JAKMIP1: variants seen among roughly 807,000 people sequenced by gnomAD.
JAKMIP1 encodes janus kinase and microtubule-interacting protein 1.
A neutral mutation model predicts 113.0 loss-of-function variants in JAKMIP1; 33 were observed. The observed-to-expected ratio is 0.29, with a 90% CI of 0.22 to 0.39. The LOEUF (loss-of-function observed/expected upper bound fraction) is 0.39. Among genes scored for constraint, JAKMIP1 ranks in the 10% least tolerant of loss-of-function variants. The pLI is 1.00. For missense variants in JAKMIP1, 813 were observed against 1,080.5 expected, an observed-to-expected ratio of 0.75 and a Z score of 3.47; for synonymous variants, 480 against 459.9, an observed-to-expected ratio of 1.04 and a Z score of -0.56.
At position 6,054,891 on chromosome 4, in the gene JAKMIP1, C is replaced by T. The variant is rs1716149580; in HGVS notation, c.1708-743G>A. 3 of 456,320 alleles carry T rather than the reference C, an allele frequency of 6.6e-6. No individual in the cohort carries two copies. The Admixed American group carries it at 7.0e-5, about 11-fold the overall frequency. The allele number at this position is 456,320 out of a possible 1,614,324, so 28.3% of individuals were successfully genotyped here. Reference sequence around the variant, plus strand: ...AGAGGGGGGCCCTCTGCCAGGTGATCCCACCCCCGGGAGACCTTTAGAAAT... The same window carrying T: ...AGAGGGGGGCCCTCTGCCAGGTGATTCCACCCCCGGGAGACCTTTAGAAAT... On this transcript the variant is annotated intron_variant, in intron 12 of 20. Coordinates refer to ENST00000409021, the MANE Select transcript of JAKMIP1 (RefSeq NM_001099433.2).
At chr4:6,027,259 C>G (rs74663433) in intron 20 of JAKMIP1, among the ~76,000 whole-genome samples, 6,490 of 152,174 alleles carry the variant, frequency 0.043, 376 homozygotes, top group African/African-American at 0.13. Flanking sequence ...TCTTCTCCCC[C>G]CCAAAACAAG....
rs759936324 is a variant in JAKMIP1 at position 6,098,546 on chromosome 4, AAAAGAAAGAAAGAAAG to A, written c.624+6911_624+6926del. On this transcript the variant is annotated intron_variant, in intron 3 of 20. Transcript: ENST00000409021. ...AGAAAGAGAGAGAGAGAGAGAAAGA[AAAAGAAAGAAAGAAAG>A]AAAGAAAGAAAGAAAGAAAGAAGGA... 1.2e-3 allele frequency among the ~76,000 whole-genome samples: 55 copies of A among 46,568 alleles called. 2 individuals are homozygous for A. The highest frequency in any genetic ancestry group is 0.011 in the Middle Eastern group (1 of 90). The allele number at this position is 46,568 out of a possible 152,430, so 30.6% of individuals were successfully genotyped here.
At chr4:6,071,295 A>G (rs1450937141) in intron 8 of JAKMIP1, among the ~76,000 whole-genome samples, 1 of 152,094 alleles carries the variant, frequency 6.6e-6, no homozygotes, top group Non-Finnish European at 1.5e-5. Flanking sequence ...GCCTGGCCCC[A>G]GGCAGTGCAG....
intron 3 of JAKMIP1, among the ~76,000 whole-genome samples, chr4:6,091,853 C>G (rs1458253688): frequency 1.3e-5 from 2 of 152,154 alleles, no homozygotes; most frequent in African/African-American, 4.8e-5. Flanking sequence ...CAGGCTATAG[C>G]TGGATGAGGA....
chr4:6,172,107 C>A (rs149327795), intron 1 of JAKMIP1, among the ~76,000 whole-genome samples: 9 of 152,304 alleles, frequency 5.9e-5, no homozygotes, highest in African/African-American at 2.2e-4. Context: ...TAAGGTAAAT[C>A]CTTCTGAAAC....
intron 8 of JAKMIP1, among the ~76,000 whole-genome samples, chr4:6,066,487 G>A (rs998751981): frequency 2.6e-5 from 4 of 151,824 alleles, no homozygotes; most frequent in Non-Finnish European, 4.4e-5. Context: ...ACTCTCCCCC[G>A]AACTCCAGAC....
In JAKMIP1 at chr4:6,097,082, G is replaced by A. The variant is rs1711913998; in HGVS notation, c.624+8391C>T. Among the ~76,000 whole-genome samples the A allele has an allele frequency of 6.6e-6, 1 of 152,142 alleles. No homozygotes were observed. Among genetic ancestry groups the A allele is most frequent in the Admixed American group, 6.5e-5 (1 of 15,276 alleles). ...AGGGGCATGATCGTAGGTCACAGTA[G>A]CCTCAATCTGCTGGCTTCAAGCAAT... is the stretch of plus-strand genomic sequence containing the variant. On this transcript the variant is annotated intron_variant, in intron 3 of 20. Transcript: ENST00000409021. The surrounding 1 kb of genome is among the most constrained non-coding windows in gnomAD (Gnocchi z 4.3).
rs533492161 is a variant in JAKMIP1 at position 6,146,220 on chromosome 4, G to C, written c.-147-33223C>G. Among the ~76,000 whole-genome samples the C allele has an allele frequency of 5.3e-3, 324 of 61,398 alleles. 3 individuals are homozygous for C. Among genetic ancestry groups the C allele is most frequent in the African/African-American group, 0.01 (305 of 29,206 alleles). 40.3% of individuals were successfully genotyped at this position (61,398 alleles called of 152,430 possible). On this transcript the variant is annotated intron_variant, in intron 1 of 20. Coordinates refer to ENST00000409021, the MANE Select transcript of JAKMIP1 (RefSeq NM_001099433.2). ...AGAGACAGAAAGTCGAATGATAGCT[G>C]CCAGGGGCTGGGGGGAGGTTGCGGG...
At chr4:6,072,987 T>C (rs933605871) in intron 8 of JAKMIP1, among the ~76,000 whole-genome samples, 22 of 151,414 alleles carry the variant, frequency 1.5e-4, no homozygotes, top group African/African-American at 5.3e-4. Context: ...GGCACGAGAA[T>C]TGGTTGAACC....
At position 6,085,463 on chromosome 4, in the gene JAKMIP1, A is replaced by T. The variant is rs763794567; in HGVS notation, c.791T>A (p.Leu264His). 6.8e-6 allele frequency: 11 copies of T among 1,613,920 alleles called. No individual in the cohort carries two copies. In the Admixed American group the frequency reaches 1.7e-4, roughly 24 times the overall value. ...CACCATGTCCCCGATCCCGGGCGGGAGCTCTCTCTTTGGACTACTGTGGTG... is the reference window on the plus strand; with the variant it reads ...CACCATGTCCCCGATCCCGGGCGGGTGCTCTCTCTTTGGACTACTGTGGTG... ...ERHHSSPKRELPPGIGDMVEL... is the reference protein window; with the variant it reads ...ERHHSSPKREHPPGIGDMVEL... The change falls in exon 4 of 21, where the codon CTC (leucine) becomes CAC (histidine). Residue 264 changes from leucine (L) to histidine (H), a missense_variant. Leu to His is a moderately conservative substitution (Grantham distance 99, BLOSUM62 -3). Around this residue, in one of 2 missense-constraint regions of JAKMIP1, gnomAD observed 540 missense variants for 653.9 expected, o/e 0.83. Transcript: ENST00000409021.
rs1481974349 is a variant in JAKMIP1 at position 6,194,129 on chromosome 4, G to A, written c.-148+6124C>T. ...GACAGAGGGCAGATGGATGGATGCC[G>A]GGGCTGGGAGAGGGGAAGTGAGGAA... On this transcript the variant is annotated intron_variant, in intron 1 of 20. Transcript: ENST00000409021. This position sits in a 1 kb window ranked among gnomAD's most constrained non-coding sequence, Gnocchi z 7.4. 6.6e-6 allele frequency among the ~76,000 whole-genome samples: 1 copy of A among 151,958 alleles called. No individual in the cohort carries two copies. Among genetic ancestry groups the A allele is most frequent in the African/African-American group, 2.4e-5 (1 of 41,368 alleles).
Position 6,056,708 on chromosome 4 carries a change from A to G in JAKMIP1, c.1696T>C (p.Leu566=). The G allele has an allele frequency of 6.2e-7, 1 of 1,613,602 alleles. No homozygotes were observed. The highest frequency in any genetic ancestry group is 8.5e-7 in the Non-Finnish European group (1 of 1,179,694). The part of the protein sequence containing the change: ...KQLLIRTNQD[L]LEKIYRLEME... ...GTGGGGTCACGCACCTTTTCCAGCA[A>G]GTCTTGGTTTGTTCTGATGAGCAGC... The change falls in exon 12 of 21, where the codon TTG becomes CTG. Residue 566 remains leucine, a synonymous_variant. Transcript: ENST00000409021.
intron 1 of JAKMIP1, among the ~76,000 whole-genome samples, chr4:6,198,182 T>C (rs1261967748): frequency 6.6e-6 from 1 of 152,194 alleles, no homozygotes; most frequent in African/African-American, 2.4e-5. Flanking sequence ...TATAAAAAGT[T>C]CTGAGAACAC....
rs1164189308 is a variant in JAKMIP1 at position 6,097,292 on chromosome 4, C to A, written c.624+8181G>T. On this transcript the variant is annotated intron_variant, in intron 3 of 20. Coordinates refer to ENST00000409021, the MANE Select transcript of JAKMIP1 (RefSeq NM_001099433.2). The surrounding 1 kb of genome is among the most constrained non-coding windows in gnomAD (Gnocchi z 4.3). Reference sequence around the variant, plus strand: ...GATTACAGTCATGAGCCATCTCGCCCCGTTCTGACTCTGAATTTATATGCT... The same window carrying A: ...GATTACAGTCATGAGCCATCTCGCCACGTTCTGACTCTGAATTTATATGCT... Among the ~76,000 whole-genome samples the A allele has an allele frequency of 6.6e-6, 1 of 152,212 alleles. No individual in the cohort carries two copies. Among genetic ancestry groups the A allele is most frequent in the Non-Finnish European group, 1.5e-5 (1 of 68,044 alleles).
intron 11 of JAKMIP1, 136 bp from the exon 12 acceptor site, chr4:6,056,895 C>G: frequency 1.5e-6 from 1 of 665,744 alleles, no homozygotes; most frequent in Non-Finnish European, 2.7e-6. Flanking sequence ...GTGATGTGCC[C>G]TCATTGTCCC....
At chr4:6,151,343 G>C (rs1367080053) in intron 1 of JAKMIP1, among the ~76,000 whole-genome samples, 1 of 152,156 alleles carries the variant, frequency 6.6e-6, no homozygotes. Context: ...CAATAGCAGG[G>C]CCAAGATGAA....
Position 6,105,797 on chromosome 4 carries a change from C to T in JAKMIP1, c.300G>A (p.Ala100=), listed in dbSNP as rs542375376. The T allele has an allele frequency of 1.2e-4, 194 of 1,608,552 alleles. 2 individuals carry two copies. In the South Asian group the frequency reaches 1.8e-3, roughly 15 times the overall value. ...GLIRQHEQEA[A]RTAKIKEGEL... ...CGCCCTCCTTGATCTTGGCGGTGCG[C>T]GCCGCCTCCTGCTCGTGCTGCCGGA... The change falls in exon 3 of 21, where the codon GCG becomes GCA. Residue 100 remains alanine (A), a synonymous_variant. Coordinates refer to ENST00000409021, the MANE Select transcript of JAKMIP1 (RefSeq NM_001099433.2).
At chr4:6,096,860 A>G (rs532378539) in intron 3 of JAKMIP1, among the ~76,000 whole-genome samples, 19 of 152,346 alleles carry the variant, frequency 1.2e-4, no homozygotes, top group African/African-American at 4.1e-4. Context: ...CTGAAAGGTA[A>G]TTTTATACAA....
chr4:6,058,607 C>T (rs1167086868), intron 11 of JAKMIP1, among the ~76,000 whole-genome samples: 1 of 152,188 alleles, frequency 6.6e-6, no homozygotes. Flanking sequence ...CTGGGAGGTC[C>T]AGTTCCAGCC....
Sources: gnomAD v4.1 joint callset for allele counts (sites outside exome capture counted in the v4.1 genomes callset) on GRCh38, gnomAD v4.1.1 for gene constraint, gnomAD v4.1.1 regional missense constraint, Gnocchi (gnomAD v3.1) non-coding constraint, MANE v1.5 for transcripts, NCBI Gene and HGNC (gene_info 2026-07-23, HGNC 2026-07-21) for gene names.